STXBP5: variants seen among roughly 807,000 people sequenced by gnomAD.
STXBP5 encodes the protein syntaxin binding protein 5.
In STXBP5, 50 loss-of-function variants were observed where a neutral mutation model predicts 152.4. The observed-to-expected ratio is 0.33, with a 90% CI of 0.26 to 0.42. The LOEUF (loss-of-function observed/expected upper bound fraction) is 0.42. Ranked by LOEUF, STXBP5 falls within the 10% of genes least tolerant of loss-of-function variation. The probability of loss-of-function intolerance (pLI) is 1.00; values close to 1 mark genes in which losing one functional copy is unlikely to be tolerated. For synonymous variants in STXBP5, 492 were observed against 494.7 expected (o/e 0.99, Z 0.07); for missense variants, 1,167 against 1,388.6 (o/e 0.84, Z 2.54).
intron 21 of STXBP5, among the ~76,000 whole-genome samples, chr6:147,343,159 C>T (rs1266576366): frequency 6.6e-6 from 1 of 151,968 alleles, no homozygotes; most frequent in East Asian, 1.9e-4. Flanking sequence ...GACACTATAC[C>T]AGGTATTCTT....
chr6:147,334,148 G>A lies in STXBP5; in HGVS notation c.2081-9G>A, dbSNP rs759522486. 1 of 1,610,384 alleles carries A rather than the reference G, an allele frequency of 6.2e-7. No individual in the cohort carries two copies. Among genetic ancestry groups the A allele is most frequent in the Non-Finnish European group, 8.5e-7 (1 of 1,178,764 alleles). ...ATGGGTTGATTTGTTTTTTGTTTTT[G>A]TTTTGTAGCCGGTCTGTGTGATATT... On this transcript the variant is annotated splice_polypyrimidine_tract_variant and intron_variant, in intron 18 of 27. Transcript: ENST00000321680.
Position 147,339,207 on chromosome 6 carries a change from T to A in STXBP5, c.2175T>A (p.Asp725Glu). ...SGSSSPHNSD[D>E]EQKMNNFIEK... ...CTTCATCACCACACAATTCAGATGA[T>A]GAACAAAAAATGAATAATTTTATAG... is the stretch of plus-strand genomic sequence containing the variant. Residue 725 changes from aspartate (D) to glutamate (E), a missense_variant, in exon 20 of 28, where the codon GAT becomes GAA. Coordinates refer to ENST00000321680, the MANE Select transcript of STXBP5 (RefSeq NM_001127715.4). The A allele has an allele frequency of 1.3e-6, 2 of 1,539,546 alleles. No homozygotes were observed. Among genetic ancestry groups the A allele is most frequent in the South Asian group, 2.5e-5 (2 of 80,934 alleles).
intron 8 of STXBP5, among the ~76,000 whole-genome samples, chr6:147,283,920 T>G (rs1780825793): frequency 6.6e-6 from 1 of 152,160 alleles, no homozygotes; most frequent in African/African-American, 2.4e-5. Flanking sequence ...TCTTTTTATT[T>G]TCTAGAACAT....
At chr6:147,374,169 A>G (rs1463921430) in intron 26 of STXBP5, among the ~76,000 whole-genome samples, 1 of 152,212 alleles carries the variant, frequency 6.6e-6, no homozygotes, top group Non-Finnish European at 1.5e-5. Context: ...ACTTTGAAAA[A>G]GTTTTTACTT....
chr6:147,364,266 A>G, intron 25 of STXBP5, 100 bp downstream of exon 25: 2 of 1,096,862 alleles, frequency 1.8e-6, no homozygotes, highest in Non-Finnish European at 2.5e-6. Flanking sequence ...TATACAAGTG[A>G]GCCTGCTTGG....
At chr6:147,259,164 C>G (rs762078826) in intron 4 of STXBP5, among the ~76,000 whole-genome samples, 3 of 152,040 alleles carry the variant, frequency 2.0e-5, no homozygotes, top group Non-Finnish European at 4.4e-5. Context: ...AGTGTTGGTG[C>G]TAAACTAGTT....
At chr6:147,350,524 T>C (rs1784541980) in intron 21 of STXBP5, among the ~76,000 whole-genome samples, 1 of 152,152 alleles carries the variant, frequency 6.6e-6, no homozygotes, top group Non-Finnish European at 1.5e-5. Flanking sequence ...ATCACTGAAG[T>C]TATTACTCTT....
chr6:147,272,754 T>C (rs181881345), intron 7 of STXBP5, among the ~76,000 whole-genome samples: 74 of 152,332 alleles, frequency 4.9e-4, no homozygotes, highest in African/African-American at 1.7e-3. Context: ...TAATTCAAGT[T>C]CTACTCAGTA....
Position 147,206,022 on chromosome 6 carries a change from G to A in STXBP5, c.202G>A (p.Val68Ile). 2 of 1,614,126 alleles carry A rather than the reference G, an allele frequency of 1.2e-6. No homozygotes were observed. Among genetic ancestry groups the A allele is most frequent in the Non-Finnish European group, 8.5e-7 (1 of 1,180,008 alleles). ...YQPSALAFDP[V>I]QKILAVGTQT... ...ACCCTCAGCCCTGGCCTTTGATCCT[G>A]TACAGAAGATCCTGGCAGTGGGAAC... The change falls in exon 2 of 28, where the codon GTA (valine) becomes ATA (isoleucine). Residue 68 changes from valine to isoleucine, a missense_variant. Around this residue, in one of 3 missense-constraint regions of STXBP5, gnomAD observed 310 missense variants for 346.1 expected, o/e 0.90. Transcript: ENST00000321680.
chr6:147,223,144 A>G (rs1777542491), intron 2 of STXBP5, among the ~76,000 whole-genome samples: 1 of 152,250 alleles, frequency 6.6e-6, no homozygotes, highest in Admixed American at 6.5e-5. Flanking sequence ...CTACACTGGA[A>G]AAGAGAAGTT....
chr6:147,274,718 C>T lies in STXBP5; in HGVS notation c.715-3363C>T, dbSNP rs565401261. Among the ~76,000 whole-genome samples the T allele has an allele frequency of 3.3e-5, 5 of 151,966 alleles. No individual in the cohort carries two copies. The South Asian group carries it at 1.0e-3, about 31-fold the overall frequency. On this transcript the variant is annotated intron_variant, in intron 7 of 27. Transcript: ENST00000321680. ...TGTTGTAATTTTAAATGAAAGTCTACATTACACATTTTCTTTTGTCATTTT... is the reference window on the plus strand; with the variant it reads ...TGTTGTAATTTTAAATGAAAGTCTATATTACACATTTTCTTTTGTCATTTT...
chr6:147,373,467 T>C (rs1173408253), intron 25 of STXBP5, among the ~76,000 whole-genome samples: 1 of 151,708 alleles, frequency 6.6e-6, no homozygotes, highest in African/African-American at 2.4e-5. Context: ...GATTAGAATC[T>C]CCTGACACTC....
At chr6:147,314,720 C>T (rs906942800) in intron 14 of STXBP5, 84 bp downstream of exon 14, 3 of 999,444 alleles carry the variant, frequency 3.0e-6, no homozygotes, top group African/African-American at 1.7e-5. Flanking sequence ...ATTGCATAAC[C>T]AATATTTAAT....
rs552262596 is a variant in STXBP5 at position 147,278,259 on chromosome 6, T to C, written c.838+55T>C. On this transcript the variant is annotated intron_variant, in intron 8 of 27. Coordinates refer to ENST00000321680, the MANE Select transcript of STXBP5 (RefSeq NM_001127715.4). ...TAATTGTAACGTACAGTAAACTGTTTTGTTTGAGTTTGCATTCTGATTTGT... is the reference window on the plus strand; with the variant it reads ...TAATTGTAACGTACAGTAAACTGTTCTGTTTGAGTTTGCATTCTGATTTGT... The C allele has an allele frequency of 6.9e-6, 10 of 1,445,280 alleles. No homozygotes were observed. In the African/African-American group the frequency reaches 1.1e-4, roughly 16 times the overall value. The allele number at this position is 1,445,280 out of a possible 1,614,324, so 89.5% of individuals were successfully genotyped here. A position where few individuals can be genotyped will look rare whatever the true frequency, so the allele number is the denominator to read the frequency against.
At chr6:147,259,533 C>T (rs6570791) in intron 4 of STXBP5, among the ~76,000 whole-genome samples, 6 of 152,012 alleles carry the variant, frequency 3.9e-5, no homozygotes, top group Non-Finnish European at 1.5e-5. Flanking sequence ...GAATGAGTTG[C>T]GTGTGTATTT....
chr6:147,208,537 A>G (rs1412058943), intron 2 of STXBP5, among the ~76,000 whole-genome samples: 1 of 152,032 alleles, frequency 6.6e-6, no homozygotes, highest in Non-Finnish European at 1.5e-5. Context: ...TTCCTATTGT[A>G]ATTGGTTTCT....
intron 11 of STXBP5, among the ~76,000 whole-genome samples, chr6:147,312,161 A>G (rs986650064): frequency 3.3e-5 from 5 of 152,138 alleles, no homozygotes; most frequent in African/African-American, 4.8e-5. Flanking sequence ...TCACTGCCAT[A>G]AAACTCTATA....
intron 9 of STXBP5, among the ~76,000 whole-genome samples, chr6:147,298,878 C>A (rs1044533866): frequency 1.3e-5 from 2 of 151,784 alleles, no homozygotes; most frequent in African/African-American, 4.8e-5. Context: ...CAGAAAAGCA[C>A]AATAATCTCA....
intron 4 of STXBP5, among the ~76,000 whole-genome samples, chr6:147,252,738 A>G (rs1159720591): frequency 6.6e-6 from 1 of 152,094 alleles, no homozygotes; most frequent in Non-Finnish European, 1.5e-5. Flanking sequence ...CCACGAAGAT[A>G]CTCCTCGAGA....
Sources: allele counts gnomAD v4.1 joint callset (sites outside exome capture counted in the v4.1 genomes callset), GRCh38; gene constraint gnomAD v4.1.1; regional missense constraint gnomAD v4.1.1; transcripts MANE v1.5; gene names NCBI Gene and HGNC (gene_info 2026-07-23, HGNC 2026-07-21).